PCSK5: variants seen among roughly 807,000 people sequenced by gnomAD.
PCSK5 encodes proprotein convertase subtilisin/kexin type 5, also known as prohormone convertase 5.
PCSK5 carries 129 observed loss-of-function variants against 233.2 expected under a neutral mutation model. That is an observed-to-expected ratio of 0.55 (90% confidence interval 0.48 to 0.64). The LOEUF (loss-of-function observed/expected upper bound fraction) is 0.64, where lower values mean the gene tolerates loss of function less well. Among genes scored for constraint, PCSK5 ranks in the 30% least tolerant of loss-of-function variants. PCSK5 has a pLI of 0.00. For synonymous variants in PCSK5, 825 were observed against 879.2 expected, an observed-to-expected ratio of 0.94 and a Z score of 1.09; for missense variants, 2,076 against 2,430.1, an observed-to-expected ratio of 0.85 and a Z score of 3.06.
chr9:76,108,213 A>T (rs1446748044), intron 9 of PCSK5, among the ~76,000 whole-genome samples: 1 of 152,198 alleles, frequency 6.6e-6, no homozygotes, highest in African/African-American at 2.4e-5. Context: ...AAAAATTTTG[A>T]ATTCCAAACA....
chr9:75,891,495 T>C, intron 1 of PCSK5, 122 bp downstream of exon 1: 1 of 769,560 alleles, frequency 1.3e-6, no homozygotes, highest in South Asian at 1.9e-5. Context: ...CCCTAACTCT[T>C]GGGCGATGCT....
chr9:76,207,153 G>A (rs995115485), intron 20 of PCSK5, among the ~76,000 whole-genome samples: 6 of 151,924 alleles, frequency 3.9e-5, no homozygotes, highest in South Asian at 2.1e-4. Flanking sequence ...GATTATATTG[G>A]TGCCACCCTG....
chr9:76,081,113 G>A (rs2131619822), intron 7 of PCSK5, among the ~76,000 whole-genome samples: 1 of 152,222 alleles, frequency 6.6e-6, no homozygotes, highest in East Asian at 1.9e-4. Flanking sequence ...TTATTGTCAA[G>A]TATACTTAAG....
intron 1 of PCSK5, among the ~76,000 whole-genome samples, chr9:75,916,459 A>C (rs1302354708): frequency 6.6e-6 from 1 of 152,214 alleles, no homozygotes; most frequent in African/African-American, 2.4e-5. Context: ...TTTTAAAGTG[A>C]GTAAGGAAAT....
chr9:76,218,078 G>C (rs1231008155), intron 20 of PCSK5, among the ~76,000 whole-genome samples: 1 of 152,094 alleles, frequency 6.6e-6, no homozygotes. Context: ...AGTCCATAGG[G>C]GGACCAAGGA....
intron 2 of PCSK5, among the ~76,000 whole-genome samples, chr9:75,940,454 A>G (rs902768609): frequency 2.6e-5 from 4 of 152,244 alleles, no homozygotes; most frequent in Admixed American, 2.0e-4. Context: ...GCATTGTGCA[A>G]TGAGGAAAGG....
chr9:76,177,024 C>T (rs1823644106), intron 14 of PCSK5, among the ~76,000 whole-genome samples: 2 of 152,106 alleles, frequency 1.3e-5, no homozygotes, highest in African/African-American at 2.4e-5. Context: ...GTGCGGTGGC[C>T]CACGCCTGTA....
chr9:76,328,040 A>T lies in PCSK5; in HGVS notation c.4371A>T (p.Ser1457=). The change falls in exon 33 of 38, where the codon TCA becomes TCT. Residue 1457 remains serine, a synonymous_variant. Transcript: ENST00000674117. ...DCHKSCLTCS[S]SGTCTTCQKG... ...ACAAGTCCTGCTTGACCTGCTCATC[A>T]TCTGGGACCTGCACCACCTGTCAGA... The T allele has an allele frequency of 6.2e-7, 1 of 1,612,176 alleles. No homozygotes were observed. The highest frequency in any genetic ancestry group is 8.5e-7 in the Non-Finnish European group (1 of 1,179,520).
intron 7 of PCSK5, among the ~76,000 whole-genome samples, chr9:76,082,559 C>T (rs1230371341): frequency 6.6e-6 from 1 of 152,054 alleles, no homozygotes; most frequent in Admixed American, 6.6e-5. Flanking sequence ...TTGGGGAGTT[C>T]ACTGTATAAT....
intron 5 of PCSK5, among the ~76,000 whole-genome samples, chr9:76,043,260 C>T (rs551954082): frequency 2.9e-5 from 4 of 139,074 alleles, no homozygotes; most frequent in East Asian, 4.4e-4. Flanking sequence ...GGCGTGTACC[C>T]GGGAGGTGGA....
chr9:76,241,846 G>T (rs1407468514), intron 24 of PCSK5, among the ~76,000 whole-genome samples: 1 of 152,132 alleles, frequency 6.6e-6, no homozygotes, highest in Admixed American at 6.5e-5. Flanking sequence ...CCCTGGGATT[G>T]GTTGACTAAT....
intron 9 of PCSK5, among the ~76,000 whole-genome samples, chr9:76,112,919 G>C (rs1347097475): frequency 6.6e-6 from 1 of 152,090 alleles, no homozygotes; most frequent in Non-Finnish European, 1.5e-5. Context: ...ATAGAAATTT[G>C]TATCCTCCAC....
intron 32 of PCSK5, among the ~76,000 whole-genome samples, chr9:76,327,653 G>T (rs1479252073): frequency 6.6e-6 from 1 of 152,124 alleles, no homozygotes; most frequent in East Asian, 1.9e-4. Context: ...AACAGTAGGT[G>T]TTGTGACGGT....
intron 5 of PCSK5, among the ~76,000 whole-genome samples, chr9:76,035,207 TGGTA>T (rs1194676967): frequency 2.0e-5 from 3 of 152,244 alleles, no homozygotes; most frequent in Admixed American, 2.0e-4. Flanking sequence ...CTGGTATCTT[TGGTA>T]GAATAAAAGG....
intron 20 of PCSK5, among the ~76,000 whole-genome samples, chr9:76,197,064 A>G (rs969725420): frequency 6.6e-6 from 1 of 152,340 alleles, no homozygotes; most frequent in Admixed American, 6.5e-5. Context: ...AGACAGGAAG[A>G]GAGCGGGAAG....
intron 2 of PCSK5, among the ~76,000 whole-genome samples, chr9:75,934,252 C>A (rs1211712750): frequency 6.6e-6 from 1 of 152,200 alleles, no homozygotes; most frequent in Non-Finnish European, 1.5e-5. Context: ...CCACAACTTA[C>A]TCTCCATTCC....
intron 5 of PCSK5, among the ~76,000 whole-genome samples, chr9:76,064,276 T>A (rs1431090168): frequency 5.8e-5 from 4 of 68,800 alleles, no homozygotes; most frequent in African/African-American, 8.3e-5. Flanking sequence ...CTGGCCGGGC[T>A]AAGGGGCTCC....
intron 12 of PCSK5, 82 bp downstream of exon 12, chr9:76,159,253 C>A: frequency 1.6e-6 from 2 of 1,276,314 alleles, no homozygotes; most frequent in Non-Finnish European, 2.2e-6. Flanking sequence ...ACAGCTGCTG[C>A]TTTCACCTAA....
At chr9:75,976,340 CCT>C (rs200563980) in intron 2 of PCSK5, among the ~76,000 whole-genome samples, 2 of 146,896 alleles carry the variant, frequency 1.4e-5, no homozygotes. Context: ...CTCTCTTTTC[CCT>C]CTCTCTCTCT....
Sources: gnomAD v4.1 joint callset for allele counts (sites outside exome capture counted in the v4.1 genomes callset) on GRCh38, gnomAD v4.1.1 for gene constraint, MANE v1.5 for transcripts, NCBI Gene and HGNC (gene_info 2026-07-23, HGNC 2026-07-21) for gene names.